The following TAS1R3 variants were observed in gnomAD, a reference collection of about 807,000 sequenced individuals.
TAS1R3 encodes the protein taste receptor type 1 member 3.
TAS1R3 carries 58 observed loss-of-function variants against 46.1 expected under a neutral mutation model. That is an observed-to-expected ratio of 1.26 (90% CI 1.02 to 1.57). The LOEUF (loss-of-function observed/expected upper bound fraction) is 1.57. Among genes scored for constraint, TAS1R3 ranks in the 40% most tolerant of loss-of-function variants. The probability of loss-of-function intolerance (pLI) is 0.00; values close to 1 mark genes in which losing one functional copy is unlikely to be tolerated. For missense variants in TAS1R3, 1,422 were observed against 1,185.8 expected (o/e 1.20, Z -2.93); for synonymous variants, 724 against 544.7 (o/e 1.33, Z -4.58).
At position 1,332,125 on chromosome 1, in the gene TAS1R3, G is replaced by A. The variant is rs777810588; in HGVS notation, c.594G>A (p.Ala198=). The A allele has an allele frequency of 1.3e-5, 21 of 1,599,446 alleles. No individual in the cohort carries two copies. Among genetic ancestry groups the A allele is most frequent in the African/African-American group, 2.7e-5 (2 of 74,936 alleles). The change falls in exon 3 of 6, where the codon GCG becomes GCA. Residue 198 remains alanine, a synonymous_variant. Coordinates refer to ENST00000339381, the MANE Select transcript of TAS1R3 (RefSeq NM_152228.3). ...PSDRVQLTAA[A]ELLQEFGWNW... ...ACCGTGTGCAGCTGACGGCCGCCGCGGAGCTGCTGCAGGAGTTCGGCTGGA... is the reference window on the plus strand; with the variant it reads ...ACCGTGTGCAGCTGACGGCCGCCGCAGAGCTGCTGCAGGAGTTCGGCTGGA...
rs1643503316 is a variant in TAS1R3 at position 1,334,227 on chromosome 1, C to G, written c.2322C>G (p.Thr774=). Reference sequence around the variant, plus strand: ...TTGCCATGCTGGCCTACTTCATCACCTGGGTCTCCTTTGTGCCCCTCCTGG... The same window carrying G: ...TTGCCATGCTGGCCTACTTCATCACGTGGGTCTCCTTTGTGCCCCTCCTGG... The part of the protein sequence containing the change: ...LTFAMLAYFI[T]WVSFVPLLAN... Residue 774 remains threonine, a synonymous_variant, in exon 6 of 6, where the codon ACC becomes ACG. Coordinates refer to ENST00000339381, the MANE Select transcript of TAS1R3 (RefSeq NM_152228.3). 1 of 1,610,428 alleles carries G rather than the reference C, an allele frequency of 6.2e-7. No homozygotes were observed. Among genetic ancestry groups the G allele is most frequent in the South Asian group, 1.1e-5 (1 of 90,476 alleles).
chr1:1,332,960 G>A lies in TAS1R3; in HGVS notation c.1315G>A (p.Gly439Arg), dbSNP rs746928566. Residue 439 changes from glycine to arginine, a missense_variant, in exon 4 of 6, where the codon GGG becomes AGG. Coordinates refer to ENST00000339381, the MANE Select transcript of TAS1R3 (RefSeq NM_152228.3). Reference sequence around the variant, plus strand: ...GTACAACCTGACCTTCCACGTGGGCGGGCTGCCGCTGCGGTTCGACAGCAG... The same window carrying A: ...GTACAACCTGACCTTCCACGTGGGCAGGCTGCCGCTGCGGTTCGACAGCAG... Reference protein sequence around the residue: ...NMYNLTFHVGGLPLRFDSSGN... With the variant: ...NMYNLTFHVGRLPLRFDSSGN... 2.4e-5 allele frequency: 39 copies of A among 1,611,922 alleles called. 1 individual carries two copies. The highest frequency in any genetic ancestry group is 9.9e-5 in the South Asian group (9 of 91,058).
chr1:1,332,838 C>T lies in TAS1R3; in HGVS notation c.1275+32C>T, dbSNP rs754690254. ...CCGGGAGATGGGGGTGTGCTGTCCTCTGCATGTGCCCAGGCCACCAGGCAC... is the reference window on the plus strand; with the variant it reads ...CCGGGAGATGGGGGTGTGCTGTCCTTTGCATGTGCCCAGGCCACCAGGCAC... On this transcript the variant is annotated intron_variant, in intron 3 of 5. Transcript: ENST00000339381. The T allele has an allele frequency of 6.9e-6, 11 of 1,592,690 alleles. No homozygotes were observed. In the Admixed American group the frequency reaches 1.9e-4, roughly 27 times the overall value.
At position 1,331,785 on chromosome 1, in the gene TAS1R3, C is replaced by G. The variant is rs1373854253; in HGVS notation, c.339C>G (p.Ser113Arg). The G allele has an allele frequency of 6.2e-7, 1 of 1,612,928 alleles. No individual in the cohort carries two copies. The highest frequency in any genetic ancestry group is 2.2e-5 in the East Asian group (1 of 44,886). The part of the protein sequence containing the change: ...CSEPVVAMKP[S>R]LMFLAKAGSR... Reference sequence around the variant, plus strand: ...AGCCTGTGGTGGCCATGAAGCCCAGCCTCATGTTCCTGGCCAAGGCAGGCA... The same window carrying G: ...AGCCTGTGGTGGCCATGAAGCCCAGGCTCATGTTCCTGGCCAAGGCAGGCA... The change falls in exon 2 of 6, where the codon AGC becomes AGG. Residue 113 changes from serine to arginine, a missense_variant. Ser to Arg is a moderately radical substitution (Grantham distance 110). Coordinates refer to ENST00000339381, the MANE Select transcript of TAS1R3 (RefSeq NM_152228.3).
In TAS1R3 at chr1:1,333,041, C is replaced by A; in HGVS notation, c.1396C>A (p.Pro466Thr). The A allele has an allele frequency of 6.2e-7, 1 of 1,612,752 alleles. No individual in the cohort carries two copies. The highest frequency in any genetic ancestry group is 8.5e-7 in the Non-Finnish European group (1 of 1,179,930). Residue 466 changes from proline (P) to threonine (T), a missense_variant, in exon 4 of 6, where the codon CCC becomes ACC. Pro to Thr is a conservative substitution (Grantham distance 38). Transcript: ENST00000339381. ...LKLWVWQGSV[P>T]RLHDVGRFNG... The stretch of plus-strand genomic sequence containing the variant: ...GCTGTGGGTGTGGCAGGGCTCAGTG[C>A]CCAGGCTCCACGACGTGGGCAGGTT...
In TAS1R3 at chr1:1,332,258, G is replaced by A. The variant is rs750334661; in HGVS notation, c.727G>A (p.Val243Met). ...CATCTGCATCGCGCACGAGGGCCTG[G>A]TGCCGCTGCCCCGTGCCGATGACTC... The part of the protein sequence containing the change: ...RGICIAHEGL[V>M]PLPRADDSRL... Residue 243 changes from valine to methionine, a missense_variant, in exon 3 of 6, where the codon GTG becomes ATG. Transcript: ENST00000339381. The A allele has an allele frequency of 1.7e-5, 27 of 1,598,152 alleles. No homozygotes were observed. In the East Asian group the frequency reaches 5.6e-4, roughly 33 times the overall value.
At position 1,331,477 on chromosome 1, in the gene TAS1R3, C is replaced by G. The variant is rs771919931; in HGVS notation, c.132C>G (p.Gly44=). The change falls in exon 1 of 6, where the codon GGC becomes GGG. Residue 44 remains glycine, a synonymous_variant. Coordinates refer to ENST00000339381, the MANE Select transcript of TAS1R3 (RefSeq NM_152228.3). ...TGCTGGGGGGGCTGTTCCCCCTGGG[C>G]GAGGCCGAGGAGGCTGGCCTCCGCA... The part of the protein sequence containing the change: ...DYVLGGLFPL[G]EAEEAGLRSR... 6.2e-7 allele frequency: 1 copy of G among 1,606,908 alleles called. No individual in the cohort carries two copies. Among genetic ancestry groups the G allele is most frequent in the African/African-American group, 1.3e-5 (1 of 74,710 alleles).
chr1:1,334,264 G>A lies in TAS1R3; in HGVS notation c.2359G>A (p.Val787Met). The A allele has an allele frequency of 1.2e-6, 2 of 1,612,138 alleles. No homozygotes were observed. The highest frequency in any genetic ancestry group is 2.2e-5 in the East Asian group (1 of 44,866). ...TGTGCCCCTCCTGGCCAATGTGCAGGTGGTCCTCAGGCCCGCCGTGCAGAT... is the reference window on the plus strand; with the variant it reads ...TGTGCCCCTCCTGGCCAATGTGCAGATGGTCCTCAGGCCCGCCGTGCAGAT... ...SFVPLLANVQVVLRPAVQMGA... is the reference protein window; with the variant it reads ...SFVPLLANVQMVLRPAVQMGA... The change falls in exon 6 of 6, where the codon GTG (valine) becomes ATG (methionine). Residue 787 changes from valine to methionine, a missense_variant. Transcript: ENST00000339381.
intron 3 of TAS1R3, 41 bp from the exon 4 acceptor site, chr1:1,332,880 C>T (rs534003047): frequency 1.3e-6 from 2 of 1,589,228 alleles, no homozygotes; most frequent in Non-Finnish European, 1.7e-6. Context: ...CACGCCTGAG[C>T]TGGAGGTGGC....
chr1:1,331,773 C>T lies in TAS1R3; in HGVS notation c.327C>T (p.Ala109=), dbSNP rs149513123. 5 of 1,612,790 alleles carry T rather than the reference C, an allele frequency of 3.1e-6. No individual in the cohort carries two copies. The highest frequency in any genetic ancestry group is 4.2e-6 in the Non-Finnish European group (5 of 1,180,036). The change falls in exon 2 of 6, where the codon GCC becomes GCT. Residue 109 remains alanine, a synonymous_variant. Coordinates refer to ENST00000339381, the MANE Select transcript of TAS1R3 (RefSeq NM_152228.3). ...LFDTCSEPVV[A]MKPSLMFLAK... ...ATACGTGCTCGGAGCCTGTGGTGGC[C>T]ATGAAGCCCAGCCTCATGTTCCTGG...
chr1:1,332,405 C>T lies in TAS1R3; in HGVS notation c.874C>T (p.Leu292Phe), dbSNP rs780380600. Residue 292 changes from leucine to phenylalanine, a missense_variant, in exon 3 of 6, where the codon CTC becomes TTC. Transcript: ENST00000339381. ...CTTCAACTACAGCATCAGCAGCAGG[C>T]TCTCGCCCAAGGTGTGGGTGGCCAG... ...ALFNYSISSR[L>F]SPKVWVASEA... 1 of 1,604,680 alleles carries T rather than the reference C, an allele frequency of 6.2e-7. No individual in the cohort carries two copies. Among genetic ancestry groups the T allele is most frequent in the South Asian group, 1.1e-5 (1 of 90,172 alleles).
Position 1,332,453 on chromosome 1 carries a change from C to T in TAS1R3, c.922C>T (p.Leu308=). The T allele has an allele frequency of 1.2e-6, 2 of 1,609,360 alleles. No individual in the cohort carries two copies. The highest frequency in any genetic ancestry group is 1.7e-6 in the Non-Finnish European group (2 of 1,179,546). The change falls in exon 3 of 6, where the codon CTG becomes TTG. Residue 308 remains leucine (L), a synonymous_variant. Transcript: ENST00000339381. ...VASEAWLTSD[L]VMGLPGMAQM... ...CAGCGAGGCCTGGCTGACCTCTGAC[C>T]TGGTCATGGGGCTGCCCGGCATGGC...
chr1:1,331,716 G>A lies in TAS1R3; in HGVS notation c.270G>A (p.Leu90=). 1 of 1,612,944 alleles carries A rather than the reference G, an allele frequency of 6.2e-7. No homozygotes were observed. The highest frequency in any genetic ancestry group is 8.5e-7 in the Non-Finnish European group (1 of 1,180,022). ...VEEINNKSDL[L]PGLRLGYDLF... is the part of the protein sequence containing the mutation. ...AGATCAACAACAAGTCGGATCTGCTGCCCGGGCTGCGCCTGGGCTACGACC... is the reference window on the plus strand; with the variant it reads ...AGATCAACAACAAGTCGGATCTGCTACCCGGGCTGCGCCTGGGCTACGACC... Residue 90 remains leucine, a synonymous_variant, in exon 2 of 6, where the codon CTG becomes CTA. Transcript: ENST00000339381.
Position 1,333,259 on chromosome 1 carries a change from A to G in TAS1R3, c.1480A>G (p.Lys494Glu). ...KIRWHTSDNQKPVSRCSRQCQ... is the reference protein window; with the variant it reads ...KIRWHTSDNQEPVSRCSRQCQ... ...AGCCAGACCCCAGGCCTGTGCGCAG[A>G]AGCCCGTGTCCCGGTGCTCGCGGCA... is the stretch of plus-strand genomic sequence containing the variant. The change falls in exon 5 of 6, where the codon AAG becomes GAG. Residue 494 changes from lysine to glutamate, a missense_variant and splice_region_variant. Coordinates refer to ENST00000339381, the MANE Select transcript of TAS1R3 (RefSeq NM_152228.3). 1.3e-6 allele frequency: 2 copies of G among 1,599,290 alleles called. No homozygotes were observed. Among genetic ancestry groups the G allele is most frequent in the Non-Finnish European group, 1.7e-6 (2 of 1,175,020 alleles).
Position 1,334,495 on chromosome 1 carries a change from C to T in TAS1R3, c.*31C>T. 3 of 1,477,296 alleles carry T rather than the reference C, an allele frequency of 2.0e-6. No homozygotes were observed. Among genetic ancestry groups the T allele is most frequent in the Non-Finnish European group, 2.7e-6 (3 of 1,114,018 alleles). 91.5% of individuals were successfully genotyped at this position (1,477,296 alleles called of 1,614,324 possible). ...CCCTGTGATCTCAGCCCCGGTGAAC[C>T]CAGACTTAGCTGCGATCCCCCCCAA... is the stretch of plus-strand genomic sequence containing the variant. On this transcript the variant is annotated 3_prime_UTR_variant, in exon 6 of 6. Transcript: ENST00000339381.
chr1:1,333,163 GCCC>G (rs1557657358), intron 4 of TAS1R3, 39 bp downstream of exon 4: 2 of 1,599,078 alleles, frequency 1.3e-6, no homozygotes, highest in African/African-American at 2.7e-5. Flanking sequence ...GCCCGTGGTA[GCCC>G]CCGCGGCAGG....
Position 1,333,845 on chromosome 1 carries a change from G to C in TAS1R3, c.1940G>C (p.Cys647Ser). The change falls in exon 6 of 6, where the codon TGC (cysteine) becomes TCC (serine). Residue 647 changes from cysteine (C) to serine (S), a missense_variant. Physicochemically the swap from Cys to Ser is moderately radical, Grantham distance 112. Coordinates refer to ENST00000339381, the MANE Select transcript of TAS1R3 (RefSeq NM_152228.3). ...TTGTCCCACCTCCCGCTCACGGGCT[G>C]CCTGAGCACACTCTTCCTGCAGGCG... ...QPLSHLPLTG[C>S]LSTLFLQAAE... is the part of the protein sequence containing the mutation. 3 of 1,600,574 alleles carry C rather than the reference G, an allele frequency of 1.9e-6. No individual in the cohort carries two copies. Among genetic ancestry groups the C allele is most frequent in the Non-Finnish European group, 2.5e-6 (3 of 1,179,738 alleles).
In TAS1R3 at chr1:1,334,228, T is replaced by A. The variant is rs771454609; in HGVS notation, c.2323T>A (p.Trp775Arg). 6.2e-7 allele frequency: 1 copy of A among 1,610,544 alleles called. No homozygotes were observed. Among genetic ancestry groups the A allele is most frequent in the South Asian group, 1.1e-5 (1 of 90,480 alleles). The change falls in exon 6 of 6, where the codon TGG becomes AGG. Residue 775 changes from tryptophan (W) to arginine (R), a missense_variant. Coordinates refer to ENST00000339381, the MANE Select transcript of TAS1R3 (RefSeq NM_152228.3). The stretch of plus-strand genomic sequence containing the variant: ...TGCCATGCTGGCCTACTTCATCACC[T>A]GGGTCTCCTTTGTGCCCCTCCTGGC... ...TFAMLAYFITWVSFVPLLANV... is the reference protein window; with the variant it reads ...TFAMLAYFITRVSFVPLLANV...
rs377455421 is a variant in TAS1R3 at position 1,333,305 on chromosome 1, G to A, written c.1526G>A (p.Arg509His). 46 of 1,599,428 alleles carry A rather than the reference G, an allele frequency of 2.9e-5. No homozygotes were observed. The highest frequency in any genetic ancestry group is 6.7e-5 in the South Asian group (6 of 89,354). The change falls in exon 5 of 6, where the codon CGC becomes CAC. Residue 509 changes from arginine (R) to histidine (H), a missense_variant. Physicochemically the swap from Arg to His is conservative, Grantham distance 29 (BLOSUM62 0). Transcript: ENST00000339381. ...CSRQCQEGQV[R>H]RVKGFHSCCY... ...CGGCAGTGCCAGGAGGGCCAGGTGCGCCGGGTCAAGGGGTTCCACTCCTGC... is the reference window on the plus strand; with the variant it reads ...CGGCAGTGCCAGGAGGGCCAGGTGCACCGGGTCAAGGGGTTCCACTCCTGC...
Sources: gnomAD v4.1 joint callset for allele counts on GRCh38, gnomAD v4.1.1 for gene constraint, MANE v1.5 for transcripts, NCBI Gene and HGNC (gene_info 2026-07-23, HGNC 2026-07-21) for gene names.